The following COL15A1 variants were observed in gnomAD, a reference collection of about 807,000 sequenced individuals.
The protein encoded by COL15A1 is collagen alpha-1(XV) chain.
In COL15A1, 111 loss-of-function variants were observed where a neutral mutation model predicts 165.9. The ratio of observed to expected loss-of-function variants is 0.67; its 90% CI spans 0.57 to 0.78. The LOEUF (loss-of-function observed/expected upper bound fraction) is 0.78. COL15A1 is among the 30% of genes least tolerant of loss of function. The pLI, the probability that COL15A1 is intolerant of heterozygous loss-of-function variation, is 0.00. For missense variants in COL15A1, 1,745 were observed against 1,789.7 expected (o/e 0.98, Z 0.45); for synonymous variants, 659 against 674.8 (o/e 0.98, Z 0.36).
intron 26 of COL15A1, among the ~76,000 whole-genome samples, chr9:99,047,146 C>T (rs1274928942): frequency 6.6e-6 from 1 of 152,184 alleles, no homozygotes; most frequent in Admixed American, 6.5e-5. Context: ...GTTTACATCC[C>T]AGACATTAGA....
chr9:99,008,607 T>C (rs1431436413), intron 9 of COL15A1, among the ~76,000 whole-genome samples: 3 of 152,200 alleles, frequency 2.0e-5, no homozygotes, highest in Admixed American at 2.0e-4. Flanking sequence ...TATATGAGTA[T>C]ATTTTACTCA....
At chr9:98,946,698 A>G (rs1837589451) in intron 2 of COL15A1, among the ~76,000 whole-genome samples, 1 of 152,262 alleles carries the variant, frequency 6.6e-6, no homozygotes. Context: ...CCAAGACTTC[A>G]TAGCACTATG....
chr9:99,026,049 C>T, intron 16 of COL15A1, 83 bp downstream of exon 16: 4 of 1,333,908 alleles, frequency 3.0e-6, no homozygotes, highest in Non-Finnish European at 4.1e-6. Context: ...CTGACCTTGC[C>T]TCTTATGTGA....
At chr9:99,037,443 G>A (rs1205637556) in intron 21 of COL15A1, among the ~76,000 whole-genome samples, 1 of 152,200 alleles carries the variant, frequency 6.6e-6, no homozygotes, top group East Asian at 1.9e-4. Context: ...GTAAGGCCAG[G>A]CACAGTGGCT....
In COL15A1 at chr9:99,003,647, G is replaced by T. The variant is rs187571754; in HGVS notation, c.1200+60G>T. ...GTGTCTGGGGTTGTGGGTTGTGTTG[G>T]GTGGGAGCAGTCACTGGCTTTCCCT... On this transcript the variant is annotated intron_variant, in intron 8 of 41. Coordinates refer to ENST00000375001, the MANE Select transcript of COL15A1 (RefSeq NM_001855.5). The T allele has an allele frequency of 5.3e-4, 755 of 1,434,112 alleles. 8 individuals carry two copies. Among genetic ancestry groups the T allele is most frequent in the Non-Finnish European group, 4.7e-5 (51 of 1,086,698 alleles). 88.8% of individuals were successfully genotyped at this position (1,434,112 alleles called of 1,614,324 possible).
chr9:98,958,925 G>A (rs1247664054), intron 2 of COL15A1, among the ~76,000 whole-genome samples: 1 of 152,040 alleles, frequency 6.6e-6, no homozygotes, highest in Non-Finnish European at 1.5e-5. Flanking sequence ...TGGAAGCCAT[G>A]GCTGATGCGC....
intron 24 of COL15A1, among the ~76,000 whole-genome samples, chr9:99,042,837 A>G (rs2119076821): frequency 6.6e-6 from 1 of 152,198 alleles, no homozygotes; most frequent in East Asian, 1.9e-4. Flanking sequence ...TTAACTTTCC[A>G]GTTGGTTTTT....
At chr9:99,032,771 C>T (rs973721931) in intron 16 of COL15A1, among the ~76,000 whole-genome samples, 6 of 152,188 alleles carry the variant, frequency 3.9e-5, no homozygotes, top group Non-Finnish European at 8.8e-5. Context: ...AGCTTGATCT[C>T]TGTATTAATT....
intron 2 of COL15A1, among the ~76,000 whole-genome samples, chr9:98,980,023 T>C (rs923687125): frequency 3.3e-5 from 5 of 152,198 alleles, no homozygotes; most frequent in African/African-American, 1.2e-4. Context: ...CTGAGTGTGA[T>C]GCTGCATGCC....
chr9:98,996,020 G>A (rs1838538015), intron 5 of COL15A1, among the ~76,000 whole-genome samples: 1 of 152,116 alleles, frequency 6.6e-6, no homozygotes, highest in South Asian at 2.1e-4. Flanking sequence ...TCTAAATGAT[G>A]GGGCTTCCAA....
At chr9:98,970,739 G>C (rs1443896573) in intron 2 of COL15A1, among the ~76,000 whole-genome samples, 1 of 151,972 alleles carries the variant, frequency 6.6e-6, no homozygotes, top group East Asian at 1.9e-4. Context: ...TGTGGGACAG[G>C]GTCTATGAAT....
At chr9:98,970,728 G>T (rs1374437138) in intron 2 of COL15A1, among the ~76,000 whole-genome samples, 1 of 152,108 alleles carries the variant, frequency 6.6e-6, no homozygotes, top group Non-Finnish European at 1.5e-5. Flanking sequence ...GTGGGTTAGT[G>T]TGTGGGACAG....
intron 5 of COL15A1, 118 bp from the exon 6 acceptor site, chr9:98,996,816 T>A: frequency 6.9e-7 from 1 of 1,454,954 alleles, no homozygotes; most frequent in South Asian, 1.3e-5. Flanking sequence ...GGCCAAGCTT[T>A]CCCCTTGGTT....
At chr9:98,974,419 G>A (rs1838108472) in intron 2 of COL15A1, among the ~76,000 whole-genome samples, 1 of 152,172 alleles carries the variant, frequency 6.6e-6, no homozygotes, top group Non-Finnish European at 1.5e-5. Context: ...CTCTGTAGGG[G>A]TGTCCAAAGG....
At chr9:99,063,174 A>G in intron 39 of COL15A1, 65 bp downstream of exon 39, 5 of 1,485,276 alleles carry the variant, frequency 3.4e-6, no homozygotes, top group Non-Finnish European at 4.5e-6. Context: ...GCTAGGTCTC[A>G]TGCTTAGTAC....
intron 2 of COL15A1, among the ~76,000 whole-genome samples, chr9:98,976,938 T>C (rs1357415579): frequency 6.6e-6 from 1 of 152,076 alleles, no homozygotes; most frequent in Non-Finnish European, 1.5e-5. Flanking sequence ...CTGAGATGTG[T>C]GGAGCAGTTC....
Position 98,943,975 on chromosome 9 carries a change from A to G in COL15A1, c.-87A>G. On this transcript the variant is annotated 5_prime_UTR_variant, in exon 1 of 42. Transcript: ENST00000375001. ...TGCAGGAAGGGCGAGCGCGGCGGCC[A>G]GCGCTCAGCGACCCTTCGTCCTCCG... The G allele has an allele frequency of 1.9e-6, 3 of 1,564,334 alleles. No homozygotes were observed. The South Asian group carries it at 3.4e-5, about 18-fold the overall frequency.
At chr9:98,956,581 C>G (rs1837779677) in intron 2 of COL15A1, among the ~76,000 whole-genome samples, 1 of 152,136 alleles carries the variant, frequency 6.6e-6, no homozygotes, top group Admixed American at 6.5e-5. Flanking sequence ...CTCACCACAG[C>G]CTTGTGAAAT....
intron 13 of COL15A1, among the ~76,000 whole-genome samples, chr9:99,022,609 C>T (rs1367503955): frequency 6.6e-6 from 1 of 152,198 alleles, no homozygotes; most frequent in Non-Finnish European, 1.5e-5. Context: ...GGTCTCTCCG[C>T]CTCCATGTCA....
Sources: allele counts gnomAD v4.1 joint callset (sites outside exome capture counted in the v4.1 genomes callset), GRCh38; gene constraint gnomAD v4.1.1; transcripts MANE v1.5; gene names NCBI Gene and HGNC (gene_info 2026-07-23, HGNC 2026-07-21).